CAB39: variants seen among roughly 807,000 people sequenced by gnomAD.
CAB39 encodes the protein calcium-binding protein 39.
Under a neutral mutation model 40.0 loss-of-function variants are expected in CAB39, and 8 were observed. The observed-to-expected ratio is 0.20, with a 90% confidence interval of 0.12 to 0.36. The LOEUF (loss-of-function observed/expected upper bound fraction) is 0.36. Among genes scored for constraint, CAB39 ranks in the 10% least tolerant of loss-of-function variants. CAB39 has a pLI of 1.00. For synonymous variants in CAB39, 156 were observed against 141.6 expected (o/e 1.10, Z -0.72); for missense variants, 270 against 401.1 (o/e 0.67, Z 2.79).
chr2:230,805,886 C>T (rs1481910447), intron 5 of CAB39, among the ~76,000 whole-genome samples: 10 of 152,142 alleles, frequency 6.6e-5, no homozygotes, highest in East Asian at 1.9e-4. Context: ...CCCAGCTGAA[C>T]GTTTTTATTA....
chr2:230,793,068 A>C, intron 3 of CAB39, 145 bp from the exon 4 acceptor site: 1 of 556,660 alleles, frequency 1.8e-6, no homozygotes, highest in Non-Finnish European at 3.3e-6. Flanking sequence ...AAATGAAGAG[A>C]TAATTTAATG....
intron 7 of CAB39, among the ~76,000 whole-genome samples, chr2:230,814,678 C>T (rs1399436832): frequency 1.3e-5 from 2 of 152,144 alleles, no homozygotes; most frequent in Non-Finnish European, 2.9e-5. Context: ...AAGACGTGCT[C>T]ATTTATTTAC....
At position 230,799,135 on chromosome 2, in the gene CAB39, A is replaced by G. The variant is rs897257319; in HGVS notation, c.567+238A>G. 1.5e-4 allele frequency: 64 copies of G among 426,524 alleles called. 1 individual carries two copies. Among genetic ancestry groups the G allele is most frequent in the Middle Eastern group, 1.2e-3 (2 of 1,662 alleles). 26.4% of individuals were successfully genotyped at this position (426,524 alleles called of 1,614,324 possible). On this transcript the variant is annotated intron_variant, in intron 5 of 8. Coordinates refer to ENST00000258418, the MANE Select transcript of CAB39 (RefSeq NM_016289.4). Reference sequence around the variant, plus strand: ...AAAAGTCCTGTGTGGTCAAAATTCTACTTTGCTGTTAAATTATAATTAAGT... The same window carrying G: ...AAAAGTCCTGTGTGGTCAAAATTCTGCTTTGCTGTTAAATTATAATTAAGT...
chr2:230,799,806 C>G (rs1696055147), intron 5 of CAB39, among the ~76,000 whole-genome samples: 1 of 152,058 alleles, frequency 6.6e-6, no homozygotes, highest in Non-Finnish European at 1.5e-5. Flanking sequence ...GCCTCACCAA[C>G]ATGGAGAAAC....
chr2:230,714,542 A>T lies in CAB39; in HGVS notation c.-44+1312A>T, dbSNP rs187200084. Among the ~76,000 whole-genome samples the T allele has an allele frequency of 7.9e-5, 12 of 152,298 alleles. No homozygotes were observed. The East Asian group carries it at 2.3e-3, about 29-fold the overall frequency. On this transcript the variant is annotated intron_variant, in intron 1 of 8. Coordinates refer to ENST00000258418, the MANE Select transcript of CAB39 (RefSeq NM_016289.4). ...TGTGCGTTCGCTACAGTGCATAAAA[A>T]CTTCTTGCACTTTGTATTAGGCGTA...
chr2:230,798,902 CA>C lies in CAB39; in HGVS notation c.567+10del, dbSNP rs778803016. 1.3e-6 allele frequency: 2 copies of C among 1,577,770 alleles called. No homozygotes were observed. The highest frequency in any genetic ancestry group is 1.8e-5 in the Admixed American group (1 of 56,432). ...GATGCATTTGCCACATTCAAGGTAA[CA>C]AAAACTGTAGAATTCTAAATATCCT... On this transcript the variant is annotated splice_donor_region_variant and intron_variant, in intron 5 of 8. Transcript: ENST00000258418.
At chr2:230,773,001 A>AAAC (rs1695514337) in intron 2 of CAB39, among the ~76,000 whole-genome samples, 2 of 151,894 alleles carry the variant, frequency 1.3e-5, no homozygotes, top group African/African-American at 4.8e-5. Context: ...AAAAAAAAAA[A>AAAC]AACTATTGCT....
At chr2:230,808,952 A>T (rs780368897) in intron 5 of CAB39, among the ~76,000 whole-genome samples, 1 of 152,244 alleles carries the variant, frequency 6.6e-6, no homozygotes, top group Non-Finnish European at 1.5e-5. Context: ...GAAAACAGAC[A>T]CGATCCTGGT....
rs76951324 is a variant in CAB39, at chr2:230,771,925, A to G, written c.114+11810A>G. Among the ~76,000 whole-genome samples, 1,399 of 152,332 alleles carry G rather than the reference A, an allele frequency of 9.2e-3. 11 individuals carry two copies. Among genetic ancestry groups the G allele is most frequent in the African/African-American group, 0.027 (1,117 of 41,570 alleles). On this transcript the variant is annotated intron_variant, in intron 2 of 8. Transcript: ENST00000258418. ...AGGACTCAGACCTCATACCATATTT[A>G]AAAATTAACTCAAAATGGATCACAT...
chr2:230,753,561 T>C (rs946149508), intron 1 of CAB39, among the ~76,000 whole-genome samples: 1 of 152,082 alleles, frequency 6.6e-6, no homozygotes, highest in African/African-American at 2.4e-5. Flanking sequence ...AAGACCAGCC[T>C]GGCCAACATG....
In CAB39 at chr2:230,765,198, C is replaced by T. The variant is rs545651845; in HGVS notation, c.114+5083C>T. On this transcript the variant is annotated intron_variant, in intron 2 of 8. Coordinates refer to ENST00000258418, the MANE Select transcript of CAB39 (RefSeq NM_016289.4). ...AGAGAACAGGGTTTCACCATGTTGGCCAGGATGGTCTCGATCTCCTGACCT... is the reference window on the plus strand; with the variant it reads ...AGAGAACAGGGTTTCACCATGTTGGTCAGGATGGTCTCGATCTCCTGACCT... Among the ~76,000 whole-genome samples, 7 of 152,250 alleles carry T rather than the reference C, an allele frequency of 4.6e-5. No individual in the cohort carries two copies. The East Asian group carries it at 1.4e-3, about 29-fold the overall frequency.
intron 1 of CAB39, among the ~76,000 whole-genome samples, chr2:230,741,293 A>G (rs1469945949): frequency 6.6e-6 from 1 of 152,230 alleles, no homozygotes; most frequent in Non-Finnish European, 1.5e-5. Flanking sequence ...ACTGTTGAAA[A>G]TGCTTTCAGC....
At chr2:230,789,082 A>G (rs1392251329) in intron 2 of CAB39, among the ~76,000 whole-genome samples, 1 of 152,040 alleles carries the variant, frequency 6.6e-6, no homozygotes, top group Non-Finnish European at 1.5e-5. Context: ...TTTCCCCCCT[A>G]AGTTTCATTT....
At chr2:230,784,538 C>CAAGAT (rs1695753917) in intron 2 of CAB39, among the ~76,000 whole-genome samples, 3 of 152,084 alleles carry the variant, frequency 2.0e-5, no homozygotes, top group Non-Finnish European at 2.9e-5. Flanking sequence ...TTTAAATGGC[C>CAAGAT]TAGCCAAGGT....
At position 230,808,334 on chromosome 2, in the gene CAB39, G is replaced by A. The variant is rs139071584; in HGVS notation, c.568-1929G>A. ...TGACCTCAGGTGATCCACCCACCTC[G>A]GCCAGGCACTATTCTTTAGGGGTGG... On this transcript the variant is annotated intron_variant, in intron 5 of 8. Coordinates refer to ENST00000258418, the MANE Select transcript of CAB39 (RefSeq NM_016289.4). Among the ~76,000 whole-genome samples, 552 of 152,130 alleles carry A rather than the reference G, an allele frequency of 3.6e-3. 4 individuals carry two copies. The highest frequency in any genetic ancestry group is 0.011 in the African/African-American group (448 of 41,498).
chr2:230,753,195 G>C lies in CAB39; in HGVS notation c.-43-6764G>C, dbSNP rs576462811. Among the ~76,000 whole-genome samples the C allele has an allele frequency of 2.0e-5, 3 of 152,326 alleles. No homozygotes were observed. In the South Asian group the frequency reaches 6.2e-4, roughly 32 times the overall value. On this transcript the variant is annotated intron_variant, in intron 1 of 8. Coordinates refer to ENST00000258418, the MANE Select transcript of CAB39 (RefSeq NM_016289.4). ...CTAGCGGAGAGCAGTGCATGAATGC[G>C]AAAGGGGGAAGCTAAATGTCCATGC...
intron 2 of CAB39, among the ~76,000 whole-genome samples, chr2:230,775,385 G>A (rs1018101671): frequency 2.0e-5 from 3 of 151,656 alleles, no homozygotes; most frequent in Non-Finnish European, 4.4e-5. Context: ...ACAGGCATGC[G>A]TTGCCATGCC....
intron 6 of CAB39, among the ~76,000 whole-genome samples, chr2:230,812,908 G>A (rs1185596497): frequency 2.0e-5 from 3 of 152,202 alleles, no homozygotes; most frequent in Non-Finnish European, 4.4e-5. Flanking sequence ...CATGGGATGT[G>A]TTCCAGAAAA....
intron 1 of CAB39, among the ~76,000 whole-genome samples, chr2:230,729,533 C>G (rs559035490): frequency 8.4e-4 from 128 of 152,094 alleles, no homozygotes; most frequent in Middle Eastern, 6.8e-3. Flanking sequence ...GGGTGGATCA[C>G]CTGAGGTCAG....
Sources: gnomAD v4.1 joint callset for allele counts (sites outside exome capture counted in the v4.1 genomes callset) on GRCh38, gnomAD v4.1.1 for gene constraint, MANE v1.5 for transcripts, NCBI Gene and HGNC (gene_info 2026-07-23, HGNC 2026-07-21) for gene names.